The following PRMT9 variants were observed in gnomAD, a reference collection of about 807,000 sequenced individuals.
PRMT9 encodes the protein protein arginine methyltransferase 9, also known as protein arginine N-methyltransferase 9.
In PRMT9, 59 loss-of-function variants were observed where a neutral mutation model predicts 83.2. The ratio of observed to expected loss-of-function variants is 0.71; its 90% CI spans 0.57 to 0.88. The LOEUF (loss-of-function observed/expected upper bound fraction) is 0.88. Ranked by LOEUF, PRMT9 falls within the 40% of genes least tolerant of loss-of-function variation. The pLI, the probability that PRMT9 is intolerant of heterozygous loss-of-function variation, is 0.00. For missense variants in PRMT9, 947 were observed against 1,021.9 expected (o/e 0.93, Z 1.00); for synonymous variants, 333 against 353.2 (o/e 0.94, Z 0.64).
rs181024077 is a variant in PRMT9 at position 147,650,885 on chromosome 4, A to G, written c.2045+2967T>C. 3.2e-3 allele frequency among the ~76,000 whole-genome samples: 489 copies of G among 152,232 alleles called. 2 individuals carry two copies. The highest frequency in any genetic ancestry group is 0.011 in the African/African-American group (465 of 41,548). On this transcript the variant is annotated intron_variant, in intron 9 of 11. Transcript: ENST00000322396. ...TGGGAGGCCAAGGCGGGCAGATCAC[A>G]AGGTCAGGAGATCGAGACCATCCTG...
intron 8 of PRMT9, among the ~76,000 whole-genome samples, chr4:147,656,771 CAAAAAAAAA>C (rs1023416920): frequency 2.5e-4 from 12 of 47,956 alleles, no homozygotes; most frequent in Non-Finnish European, 3.3e-4. Flanking sequence ...GACTCTGTCT[CAAAAAAAAA>C]AAAAAAAAAA....
At chr4:147,682,468 G>A (rs1005672289) in intron 1 of PRMT9, among the ~76,000 whole-genome samples, 8 of 151,100 alleles carry the variant, frequency 5.3e-5, no homozygotes, top group Non-Finnish European at 1.0e-4. Context: ...GAGCCACCGC[G>A]CCCGGCCTAA....
intron 11 of PRMT9, 90 bp downstream of exon 11, chr4:147,638,870 G>T: frequency 7.2e-7 from 1 of 1,380,622 alleles, no homozygotes; most frequent in Non-Finnish European, 1.0e-6. Context: ...AATCTTTAAA[G>T]TAGCTAAAAG....
intron 4 of PRMT9, among the ~76,000 whole-genome samples, chr4:147,671,133 T>C (rs1735700059): frequency 6.6e-6 from 1 of 152,208 alleles, no homozygotes; most frequent in Non-Finnish European, 1.5e-5. Flanking sequence ...CAACAGTCTA[T>C]AAAAATATTC....
chr4:147,683,398 A>G (rs1311168475), intron 1 of PRMT9, among the ~76,000 whole-genome samples: 1 of 152,218 alleles, frequency 6.6e-6, no homozygotes, highest in African/African-American at 2.4e-5. Flanking sequence ...CTCAGTTGAG[A>G]GCCGACTGCA....
chr4:147,678,536 A>G (rs1578942721), intron 2 of PRMT9, among the ~76,000 whole-genome samples: 1 of 152,250 alleles, frequency 6.6e-6, no homozygotes, highest in African/African-American at 2.4e-5. Context: ...GCCTGATTAC[A>G]AAACTGTCCC....
intron 10 of PRMT9, among the ~76,000 whole-genome samples, chr4:147,641,750 C>T (rs1733418163): frequency 1.3e-5 from 2 of 152,190 alleles, no homozygotes; most frequent in South Asian, 4.1e-4. Context: ...CAACCTCCAC[C>T]TCCCAGGCTC....
intron 9 of PRMT9, among the ~76,000 whole-genome samples, chr4:147,651,249 A>G (rs191940449): frequency 6.6e-6 from 1 of 152,326 alleles, no homozygotes; most frequent in Admixed American, 6.5e-5. Flanking sequence ...GGATTAAACA[A>G]CTGAATATAA....
chr4:147,677,499 G>T (rs964520509), intron 2 of PRMT9, among the ~76,000 whole-genome samples: 4 of 131,742 alleles, frequency 3.0e-5, no homozygotes, highest in Non-Finnish European at 6.2e-5. Flanking sequence ...TGTCACCCAG[G>T]CTGGAGTGCA....
At position 147,684,104 on chromosome 4, in the gene PRMT9, T is replaced by C. The variant is rs373607703; in HGVS notation, c.-117A>G. Reference sequence around the variant, plus strand: ...TGCTCAAAAAACAGCACAGCAAAGTTACCCTCCGCCGCGGGTGAACTCGCC... The same window carrying C: ...TGCTCAAAAAACAGCACAGCAAAGTCACCCTCCGCCGCGGGTGAACTCGCC... On this transcript the variant is annotated 5_prime_UTR_variant, in exon 1 of 12. Coordinates refer to ENST00000322396, the MANE Select transcript of PRMT9 (RefSeq NM_138364.4). The C allele has an allele frequency of 1.7e-5, 20 of 1,196,828 alleles. No individual in the cohort carries two copies. Among genetic ancestry groups the C allele is most frequent in the Non-Finnish European group, 2.3e-5 (19 of 838,712 alleles). 74.1% of individuals were successfully genotyped at this position (1,196,828 alleles called of 1,614,324 possible).
In PRMT9 at chr4:147,672,993, G is replaced by A; in HGVS notation, c.709C>T (p.Leu237Phe). 1.2e-6 allele frequency: 2 copies of A among 1,613,894 alleles called. No individual in the cohort carries two copies. Among genetic ancestry groups the A allele is most frequent in the Non-Finnish European group, 8.5e-7 (1 of 1,179,868 alleles). Residue 237 changes from leucine to phenylalanine, a missense_variant, in exon 4 of 12, where the codon CTT becomes TTT. Physicochemically the swap from Leu to Phe is conservative, Grantham distance 22. Transcript: ENST00000322396. ...AGIKLLHTKS[L>F]DIEIPKHIPE... The stretch of plus-strand genomic sequence containing the variant: ...ATATGTTTTGGAATCTCTATGTCAA[G>A]TGACTTCGTATGTAAGAGTTTGATC...
chr4:147,657,753 T>A (rs1440678385), intron 8 of PRMT9, 39 bp downstream of exon 8: 11 of 1,526,266 alleles, frequency 7.2e-6, no homozygotes, highest in Non-Finnish European at 1.0e-5. Context: ...CTTAGAAGAT[T>A]AAAGCAAGAG....
At chr4:147,643,060 G>T in intron 9 of PRMT9, 120 bp from the exon 10 acceptor site, 1 of 822,666 alleles carries the variant, frequency 1.2e-6, no homozygotes, top group South Asian at 1.4e-5. Flanking sequence ...AAGAGTTCAA[G>T]ACCAGCCTGG....
Position 147,683,867 on chromosome 4 carries a change from A to G in PRMT9, c.121T>C (p.Phe41Leu), listed in dbSNP as rs547710546. 6.2e-7 allele frequency: 1 copy of G among 1,613,624 alleles called. No homozygotes were observed. The highest frequency in any genetic ancestry group is 1.3e-5 in the African/African-American group (1 of 74,970). Residue 41 changes from phenylalanine to leucine, a missense_variant, in exon 1 of 12, where the codon TTC (phenylalanine) becomes CTC (leucine). Phe to Leu is a conservative substitution (Grantham distance 22). Transcript: ENST00000322396. ...SAEHCLGVQD[F>L]GTAYAHYLLV... ...AGGTAGTGGGCATAGGCAGTGCCGA[A>G]GTCCTGGACGCCCAGACAGTGCTCT...
chr4:147,676,301 CGTATGT>C (rs1736068426), intron 2 of PRMT9, among the ~76,000 whole-genome samples: 1 of 151,988 alleles, frequency 6.6e-6, no homozygotes, highest in Non-Finnish European at 1.5e-5. Flanking sequence ...TTATGATCAC[CGTATGT>C]GTATAATCTG....
rs199629261 is a variant in PRMT9, at chr4:147,673,104, C to T, written c.598G>A (p.Ala200Thr). The T allele has an allele frequency of 9.9e-6, 16 of 1,613,792 alleles. No individual in the cohort carries two copies. Among genetic ancestry groups the T allele is most frequent in the Non-Finnish European group, 4.2e-6 (5 of 1,179,880 alleles). ...AACTCACAGGCATACACGGAATGTG[C>T]TCCAGCTTTTTTAGCAAACATGCTA... ...ILSMFAKKAG[A>T]HSVYACELSK... is the part of the protein sequence containing the mutation. Residue 200 changes from alanine to threonine, a missense_variant, in exon 4 of 12, where the codon GCA becomes ACA. By Grantham distance (58) the Ala-to-Thr change is moderately conservative. Coordinates refer to ENST00000322396, the MANE Select transcript of PRMT9 (RefSeq NM_138364.4).
intron 2 of PRMT9, 103 bp from the exon 3 acceptor site, chr4:147,673,977 C>A: frequency 1.1e-6 from 1 of 921,346 alleles, no homozygotes. Context: ...TCCATGCCAG[C>A]ACCCCAAATC....
intron 9 of PRMT9, among the ~76,000 whole-genome samples, chr4:147,647,431 A>G (rs1484309760): frequency 6.6e-6 from 1 of 151,968 alleles, no homozygotes; most frequent in Non-Finnish European, 1.5e-5. Context: ...CCACCAAATT[A>G]TCTTTTAAAA....
At chr4:147,683,469 G>T (rs1482870976) in intron 1 of PRMT9, among the ~76,000 whole-genome samples, 5 of 152,196 alleles carry the variant, frequency 3.3e-5, no homozygotes, top group Admixed American at 3.3e-4. Flanking sequence ...GTGAGAACTG[G>T]TAAGATTCTG....
Sources: gnomAD v4.1 joint callset for allele counts (sites outside exome capture counted in the v4.1 genomes callset) on GRCh38, gnomAD v4.1.1 for gene constraint, MANE v1.5 for transcripts, NCBI Gene and HGNC (gene_info 2026-07-23, HGNC 2026-07-21) for gene names.